The following TNR variants were observed in gnomAD, a reference collection of about 807,000 sequenced individuals.
TNR encodes the protein tenascin-R.
Under a neutral mutation model 150.4 loss-of-function variants are expected in TNR, and 45 were observed. The observed-to-expected ratio is 0.30, with a 90% CI of 0.24 to 0.38. The LOEUF (loss-of-function observed/expected upper bound fraction) is 0.38. Ranked by LOEUF, TNR falls within the 10% of genes least tolerant of loss-of-function variation. TNR has a pLI of 1.00. For missense variants in TNR, 1,544 were observed against 1,759.1 expected, an observed-to-expected ratio of 0.88 and a Z score of 2.19; for synonymous variants, 687 against 678.4, an observed-to-expected ratio of 1.01 and a Z score of -0.20.
rs567202424 is a variant in TNR at position 175,454,292 on chromosome 1, G to A, written c.-63-47515C>T. ...GCCAGAGAATGTTCAGGAGCTGCTGGCCATACTGCATTCATTCATCCATTC... is the reference window on the plus strand; with the variant it reads ...GCCAGAGAATGTTCAGGAGCTGCTGACCATACTGCATTCATTCATCCATTC... On this transcript the variant is annotated intron_variant, in intron 2 of 22. Coordinates refer to ENST00000367674, the MANE Select transcript of TNR (RefSeq NM_003285.3). Among the ~76,000 whole-genome samples, 4 of 152,262 alleles carry A rather than the reference G, an allele frequency of 2.6e-5. No homozygotes were observed. In the South Asian group the frequency reaches 6.2e-4, roughly 24 times the overall value.
chr1:175,523,963 C>T (rs1280119314), intron 2 of TNR, among the ~76,000 whole-genome samples: 1 of 152,158 alleles, frequency 6.6e-6, no homozygotes, highest in Non-Finnish European at 1.5e-5. Flanking sequence ...AATGACCTTG[C>T]CCATGCTGCT....
In TNR at chr1:175,503,224, G is replaced by A. The variant is rs577801382; in HGVS notation, c.-64+25045C>T. Among the ~76,000 whole-genome samples, 73 of 152,322 alleles carry A rather than the reference G, an allele frequency of 4.8e-4. 1 individual carries two copies. The highest frequency in any genetic ancestry group is 2.3e-3 in the South Asian group (11 of 4,822). ...GGCGCAGCTGAATGGGCCTCTGAAA[G>A]GCTGCATTCCAACAGCAATGGGCCC... On this transcript the variant is annotated intron_variant, in intron 2 of 22. Coordinates refer to ENST00000367674, the MANE Select transcript of TNR (RefSeq NM_003285.3).
intron 9 of TNR, among the ~76,000 whole-genome samples, chr1:175,377,924 G>A (rs1165319987): frequency 6.6e-6 from 1 of 152,142 alleles, no homozygotes; most frequent in African/African-American, 2.4e-5. Context: ...ACTCTTTGGT[G>A]AGTTTGGGAA....
intron 2 of TNR, among the ~76,000 whole-genome samples, chr1:175,477,845 A>T (rs1465691581): frequency 6.6e-6 from 1 of 152,192 alleles, no homozygotes. Flanking sequence ...CCCTGAGCGG[A>T]GTGTTTCACT....
intron 1 of TNR, among the ~76,000 whole-genome samples, chr1:175,541,993 A>C (rs1385112342): frequency 2.6e-5 from 4 of 152,136 alleles, no homozygotes; most frequent in Non-Finnish European, 4.4e-5. Context: ...GAGATAATGT[A>C]AACCAAAGAC....
At chr1:175,657,883 A>G (rs5020488) in intron 1 of TNR, among the ~76,000 whole-genome samples, 31,365 of 100,688 alleles carry the variant, frequency 0.31, 7,401 homozygotes, top group East Asian at 0.49. Context: ...ATATATATAT[A>G]TGTAACAAAC....
intron 1 of TNR, among the ~76,000 whole-genome samples, chr1:175,672,494 A>C (rs372259645): frequency 4.7e-4 from 71 of 152,318 alleles, no homozygotes; most frequent in African/African-American, 1.7e-3. Context: ...TGTTCTCCCT[A>C]AGTGAGGATA....
At chr1:175,702,501 C>A (rs1021927461) in intron 1 of TNR, among the ~76,000 whole-genome samples, 1 of 152,196 alleles carries the variant, frequency 6.6e-6, no homozygotes, top group East Asian at 1.9e-4. Context: ...CAGCCTCTTG[C>A]TGGATGAGGG....
intron 17 of TNR, among the ~76,000 whole-genome samples, chr1:175,355,089 CTCA>C (rs1651257806): frequency 6.6e-6 from 1 of 152,170 alleles, no homozygotes; most frequent in African/African-American, 2.4e-5. Flanking sequence ...TGGTATCCAG[CTCA>C]TGTTTGCTCA....
rs150383272 is a variant in TNR, at chr1:175,664,687, G to T, written c.-165+78539C>A. ...TCCAATGACCACAGGAGAGGTAAAA[G>T]ATGTCAACATTTACATAAACAACCA... On this transcript the variant is annotated intron_variant, in intron 1 of 22. Coordinates refer to ENST00000367674, the MANE Select transcript of TNR (RefSeq NM_003285.3). Among the ~76,000 whole-genome samples the T allele has an allele frequency of 1.9e-3, 297 of 152,308 alleles. 1 individual carries two copies. The highest frequency in any genetic ancestry group is 6.7e-3 in the African/African-American group (278 of 41,554).
chr1:175,708,585 A>G (rs556644327), intron 1 of TNR, among the ~76,000 whole-genome samples: 84 of 152,284 alleles, frequency 5.5e-4, no homozygotes, highest in African/African-American at 1.9e-3. Flanking sequence ...TCCACAATGC[A>G]TGGAAGGATC....
intron 1 of TNR, among the ~76,000 whole-genome samples, chr1:175,718,167 G>A (rs1667203887): frequency 6.6e-6 from 1 of 152,174 alleles, no homozygotes; most frequent in African/African-American, 2.4e-5. Flanking sequence ...GAATTTCGAG[G>A]AGACTGAGAT....
At chr1:175,375,417 G>T (rs1652327755) in intron 9 of TNR, among the ~76,000 whole-genome samples, 1 of 152,088 alleles carries the variant, frequency 6.6e-6, no homozygotes, top group African/African-American at 2.4e-5. Context: ...TGAGTCTGTT[G>T]TTCAGAAACA....
intron 1 of TNR, among the ~76,000 whole-genome samples, chr1:175,590,849 G>A (rs1461292285): frequency 6.6e-6 from 1 of 152,218 alleles, no homozygotes; most frequent in Non-Finnish European, 1.5e-5. Context: ...TGAATACCTT[G>A]TATGTGTGCA....
At chr1:175,576,407 C>A (rs377481057) in intron 1 of TNR, among the ~76,000 whole-genome samples, 124 of 152,198 alleles carry the variant, frequency 8.1e-4, no homozygotes, top group East Asian at 3.3e-3. Context: ...AGCCTCACTG[C>A]GACAGTGACT....
At chr1:175,402,084 G>A (rs1205444249) in intron 4 of TNR, among the ~76,000 whole-genome samples, 1 of 151,658 alleles carries the variant, frequency 6.6e-6, no homozygotes, top group African/African-American at 2.4e-5. Flanking sequence ...GAGGCGGGCG[G>A]ATCATGAGGT....
chr1:175,602,879 T>C (rs548153467), intron 1 of TNR, among the ~76,000 whole-genome samples: 1 of 152,364 alleles, frequency 6.6e-6, no homozygotes, highest in East Asian at 1.9e-4. Context: ...GAGAAACTTA[T>C]GGCACATATT....
chr1:175,398,828 T>C (rs1007816805), intron 4 of TNR, among the ~76,000 whole-genome samples: 1 of 152,230 alleles, frequency 6.6e-6, no homozygotes, highest in South Asian at 2.1e-4. Flanking sequence ...TATTTTCATA[T>C]ATACCATCTA....
At chr1:175,714,789 T>C (rs1425971502) in intron 1 of TNR, among the ~76,000 whole-genome samples, 1 of 152,230 alleles carries the variant, frequency 6.6e-6, no homozygotes, top group African/African-American at 2.4e-5. Flanking sequence ...CGCCAGGCAC[T>C]GGACAATGTG....
Sources: gnomAD v4.1 joint callset for allele counts (sites outside exome capture counted in the v4.1 genomes callset) on GRCh38, gnomAD v4.1.1 for gene constraint, MANE v1.5 for transcripts, NCBI Gene and HGNC (gene_info 2026-07-23, HGNC 2026-07-21) for gene names.